The following ARHGAP44 variants were observed in gnomAD, a reference collection of about 807,000 sequenced individuals.
ARHGAP44 encodes the protein rho GTPase-activating protein 44.
Under a neutral mutation model 106.8 loss-of-function variants are expected in ARHGAP44, and 43 were observed. The observed-to-expected ratio is 0.40, with a 90% CI of 0.32 to 0.52. ARHGAP44 has a LOEUF of 0.52. Ranked by LOEUF, ARHGAP44 falls within the 20% of genes least tolerant of loss-of-function variation. The probability of loss-of-function intolerance (pLI) is 0.48; values close to 1 mark genes in which losing one functional copy is unlikely to be tolerated. For synonymous variants in ARHGAP44, 439 were observed against 410.3 expected, an observed-to-expected ratio of 1.07 and a Z score of -0.85; for missense variants, 866 against 1,050.5, an observed-to-expected ratio of 0.82 and a Z score of 2.43.
chr17:12,983,451 T>C (rs935267996), intron 19 of ARHGAP44, among the ~76,000 whole-genome samples: 6 of 152,076 alleles, frequency 3.9e-5, no homozygotes, highest in Middle Eastern at 3.4e-3. Flanking sequence ...TATAGGGAGA[T>C]TGGGAAAAGG....
Position 12,980,118 on chromosome 17 carries a change from C to T in ARHGAP44, c.1824C>T (p.Ser608=), listed in dbSNP as rs1255659053. 1.9e-6 allele frequency: 3 copies of T among 1,613,898 alleles called. No individual in the cohort carries two copies. The highest frequency in any genetic ancestry group is 1.7e-6 in the Non-Finnish European group (2 of 1,179,822). The stretch of plus-strand genomic sequence containing the variant: ...CACAGAAAGGAAGTCCAGGCTCCAG[C>T]CAGGGCACAGCCTGTGCAGGGACTC... ...GSAQKGSPGS[S]QGTACAGTQP... is the part of the protein sequence containing the mutation. Residue 608 remains serine (S), a synonymous_variant, in exon 19 of 21, where the codon AGC becomes AGT. Coordinates refer to ENST00000379672, the MANE Select transcript of ARHGAP44 (RefSeq NM_014859.6).
chr17:12,891,670 A>G (rs2037048833), intron 1 of ARHGAP44, among the ~76,000 whole-genome samples: 2 of 152,182 alleles, frequency 1.3e-5, no homozygotes, highest in Non-Finnish European at 1.5e-5. Context: ...TATAGTTGAG[A>G]TGGCTCTAGG....
At chr17:12,973,187 C>G in intron 16 of ARHGAP44, 115 bp from the exon 17 acceptor site, 1 of 1,036,206 alleles carries the variant, frequency 9.7e-7, no homozygotes. Context: ...CAATAAAAAT[C>G]CCACCCCAAG....
chr17:12,949,129 C>G lies in ARHGAP44; in HGVS notation c.862-11C>G, dbSNP rs1330350784. 91 of 1,559,688 alleles carry G rather than the reference C, an allele frequency of 5.8e-5. No individual in the cohort carries two copies. Among genetic ancestry groups the G allele is most frequent in the Non-Finnish European group, 7.9e-5 (91 of 1,151,924 alleles). Reference sequence around the variant, plus strand: ...GAGTTGCTGTGCGCTGACCCTCTGTCCTGTTGGTAGGGACTCTTCCGAGTA... The same window carrying G: ...GAGTTGCTGTGCGCTGACCCTCTGTGCTGTTGGTAGGGACTCTTCCGAGTA... On this transcript the variant is annotated splice_polypyrimidine_tract_variant and intron_variant, in intron 10 of 20. Transcript: ENST00000379672. The surrounding 1 kb of genome is among the most constrained non-coding windows in gnomAD (Gnocchi z 4.1).
chr17:12,961,754 C>T lies in ARHGAP44; in HGVS notation c.1523+2857C>T, dbSNP rs1230504155. On this transcript the variant is annotated intron_variant, in intron 16 of 20. Transcript: ENST00000379672. ...GTCTCCAAAAAAAAAAAGTTAAATT[C>T]AATGAAGGTCTTACCGGTTTAGGGT... is the stretch of plus-strand genomic sequence containing the variant. 3.9e-5 allele frequency among the ~76,000 whole-genome samples: 6 copies of T among 152,058 alleles called. No individual in the cohort carries two copies. The East Asian group carries it at 1.2e-3, about 29-fold the overall frequency.
chr17:12,923,942 C>T (rs941113860), intron 6 of ARHGAP44, among the ~76,000 whole-genome samples: 1 of 152,206 alleles, frequency 6.6e-6, no homozygotes, highest in Non-Finnish European at 1.5e-5. Flanking sequence ...AATGCTCCCC[C>T]CCTACCCCCT....
chr17:12,853,483 G>A (rs552152999), intron 1 of ARHGAP44, among the ~76,000 whole-genome samples: 3 of 152,290 alleles, frequency 2.0e-5, no homozygotes, highest in African/African-American at 4.8e-5. Context: ...AATGAACATC[G>A]AGAAGGCAGA....
intron 1 of ARHGAP44, among the ~76,000 whole-genome samples, chr17:12,849,613 C>T (rs2035682584): frequency 2.5e-5 from 2 of 79,628 alleles, no homozygotes; most frequent in South Asian, 4.3e-4. Context: ...TCAGCGTTTT[C>T]ACCTTGGATG....
At chr17:12,845,831 A>G (rs1227303548) in intron 1 of ARHGAP44, among the ~76,000 whole-genome samples, 1 of 152,242 alleles carries the variant, frequency 6.6e-6, no homozygotes, top group Non-Finnish European at 1.5e-5. Flanking sequence ...CTGTAACTCA[A>G]GAAATCCACA....
At chr17:12,890,410 C>T (rs1209723734) in intron 1 of ARHGAP44, among the ~76,000 whole-genome samples, 1 of 152,168 alleles carries the variant, frequency 6.6e-6, no homozygotes, top group East Asian at 1.9e-4. Context: ...CTTATGCCCT[C>T]TGGAGAGCAG....
chr17:12,960,128 C>A (rs547199089), intron 16 of ARHGAP44, among the ~76,000 whole-genome samples: 65 of 152,142 alleles, frequency 4.3e-4, no homozygotes, highest in African/African-American at 1.5e-3. Context: ...CTATCAGAGA[C>A]AATTTGTATG....
At chr17:12,979,548 T>C (rs941948520) in intron 18 of ARHGAP44, among the ~76,000 whole-genome samples, 2 of 152,148 alleles carry the variant, frequency 1.3e-5, no homozygotes, top group Non-Finnish European at 2.9e-5. Context: ...GAATCCCTCC[T>C]GCCTGGGGGG....
chr17:12,985,550 T>TC (rs1567726099), intron 20 of ARHGAP44: 2 of 152,238 alleles, frequency 1.3e-5, no homozygotes, highest in African/African-American at 4.8e-5. Flanking sequence ...GGAGCTCTCT[T>TC]CCCCCAGAAA....
At chr17:12,916,096 A>G in intron 5 of ARHGAP44, 85 bp downstream of exon 5, 1 of 1,106,538 alleles carries the variant, frequency 9.0e-7, no homozygotes, top group East Asian at 2.5e-5. Flanking sequence ...CCAGCATTCT[A>G]CTTCTTTCCC....
chr17:12,919,930 A>G, intron 6 of ARHGAP44, 99 bp downstream of exon 6: 2 of 976,536 alleles, frequency 2.0e-6, no homozygotes, highest in South Asian at 1.6e-5. Context: ...TCATTCACCA[A>G]GTTTTTCTGG....
chr17:12,884,896 T>TGTTC (rs1255230659), intron 1 of ARHGAP44, among the ~76,000 whole-genome samples: 1 of 152,030 alleles, frequency 6.6e-6, no homozygotes, highest in Non-Finnish European at 1.5e-5. Flanking sequence ...AAGCATTTTT[T>TGTTC]GTTTGTTTGT....
At chr17:12,954,738 C>T (rs2039086191) in intron 13 of ARHGAP44, among the ~76,000 whole-genome samples, 1 of 152,134 alleles carries the variant, frequency 6.6e-6, no homozygotes, top group African/African-American at 2.4e-5. Flanking sequence ...TTGTCAGGTT[C>T]TGGCAGATTT....
At chr17:12,812,966 C>T (rs967984070) in intron 1 of ARHGAP44, among the ~76,000 whole-genome samples, 10 of 152,224 alleles carry the variant, frequency 6.6e-5, no homozygotes, top group African/African-American at 2.2e-4. Flanking sequence ...TTGATCCACC[C>T]ACTCAGCAAT....
chr17:12,886,383 G>A (rs542388161), intron 1 of ARHGAP44, among the ~76,000 whole-genome samples: 25 of 152,006 alleles, frequency 1.6e-4, no homozygotes, highest in South Asian at 1.0e-3. Context: ...ATTTTGATTG[G>A]GATTGCATTT....
Sources: allele counts gnomAD v4.1 joint callset (sites outside exome capture counted in the v4.1 genomes callset), GRCh38; gene constraint gnomAD v4.1.1; non-coding constraint Gnocchi (gnomAD v3.1); transcripts MANE v1.5; gene names NCBI Gene and HGNC (gene_info 2026-07-23, HGNC 2026-07-21).